ANKRD30B: variants seen among roughly 807,000 people sequenced by gnomAD.
ANKRD30B encodes the protein ankyrin repeat domain-containing protein 30B.
ANKRD30B carries 144 observed loss-of-function variants against 202.2 expected under a neutral mutation model. The observed-to-expected ratio is 0.71, with a 90% confidence interval of 0.62 to 0.82. The LOEUF (loss-of-function observed/expected upper bound fraction) is 0.82. ANKRD30B is among the 40% of genes least tolerant of loss of function. ANKRD30B has a pLI of 0.00. For missense variants in ANKRD30B, 1,487 were observed against 1,669.1 expected, an observed-to-expected ratio of 0.89 and a Z score of 1.90; for synonymous variants, 508 against 561.3, an observed-to-expected ratio of 0.91 and a Z score of 1.34.
rs1253775382 is a variant in ANKRD30B, at chr18:14,756,104, T to C, written c.617+1099T>C. On this transcript the variant is annotated intron_variant, in intron 4 of 43. Coordinates refer to ENST00000690538, the MANE Select transcript of ANKRD30B (RefSeq NM_001367607.2). ...TTTTAATGATCGCCATTCTAACTAGTGTGAGATGGTATCTCATTGTGGTTT... is the reference window on the plus strand; with the variant it reads ...TTTTAATGATCGCCATTCTAACTAGCGTGAGATGGTATCTCATTGTGGTTT... 2.0e-5 allele frequency among the ~76,000 whole-genome samples: 3 copies of C among 152,202 alleles called. 1 individual carries two copies. The highest frequency in any genetic ancestry group is 1.5e-5 in the Non-Finnish European group (1 of 68,036).
At chr18:14,878,948 C>T in the ANKRD30B span, among the ~76,000 whole-genome samples, 1 of 152,192 alleles carries the variant, frequency 6.6e-6, no homozygotes, top group Non-Finnish European at 1.5e-5. Flanking sequence ...GAGCTGAGTT[C>T]TCCTCTGCAC....
the ANKRD30B span, among the ~76,000 whole-genome samples, chr18:14,897,306 C>T: frequency 6.6e-6 from 1 of 152,074 alleles, no homozygotes; most frequent in Admixed American, 6.5e-5. Flanking sequence ...TCAGCCTCCC[C>T]TGTAGCTGCA....
chr18:14,761,952 C>T (rs1255439694), intron 6 of ANKRD30B, among the ~76,000 whole-genome samples: 1 of 152,196 alleles, frequency 6.6e-6, no homozygotes, highest in Non-Finnish European at 1.5e-5. Context: ...TAATATTCCA[C>T]TGTTGACCTG....
At position 14,843,814 on chromosome 18, in the gene ANKRD30B, AAAT is replaced by A. The variant is rs71305886; in HGVS notation, c.3181+733_3181+735del. ...GTCTCAAAAACAAACAAACAAACAG[AAAT>A]AATAATAATAATAAATGGGAGAAGT... On this transcript the variant is annotated intron_variant, in intron 39 of 43. Transcript: ENST00000690538. Among the ~76,000 whole-genome samples, 3 of 152,180 alleles carry A rather than the reference AAAT, an allele frequency of 2.0e-5. No homozygotes were observed. The East Asian group carries it at 5.8e-4, about 29-fold the overall frequency.
At chr18:14,910,611 A>G in the ANKRD30B span, among the ~76,000 whole-genome samples, 23 of 151,860 alleles carry the variant, frequency 1.5e-4, no homozygotes, top group East Asian at 3.7e-3. Context: ...TTTTTTTGAT[A>G]TAATAAATTA....
At chr18:14,809,602 T>C (rs1237064321) in intron 26 of ANKRD30B, among the ~76,000 whole-genome samples, 2 of 150,862 alleles carry the variant, frequency 1.3e-5, no homozygotes, top group South Asian at 2.1e-4. Flanking sequence ...TATGAACATA[T>C]GCCTTTCTGG....
the ANKRD30B span, among the ~76,000 whole-genome samples, chr18:14,889,649 G>A: frequency 2.7e-5 from 4 of 150,118 alleles, no homozygotes; most frequent in East Asian, 7.8e-4. Context: ...GTGCAAATTG[G>A]GTGAACTTTA....
the ANKRD30B span, among the ~76,000 whole-genome samples, chr18:14,927,261 C>T: frequency 6.6e-6 from 1 of 152,068 alleles, no homozygotes; most frequent in Non-Finnish European, 1.5e-5. Flanking sequence ...AAAAAATACC[C>T]ACTAATTCCA....
chr18:14,821,745 A>C (rs1475201470), intron 30 of ANKRD30B, among the ~76,000 whole-genome samples: 1 of 152,216 alleles, frequency 6.6e-6, no homozygotes, highest in South Asian at 2.1e-4. Flanking sequence ...GGCATGAGCC[A>C]TGGCACCTGG....
Position 14,838,431 on chromosome 18 carries a change from A to T in ANKRD30B, c.2988+755A>T, listed in dbSNP as rs1442879434. Among the ~76,000 whole-genome samples the T allele has an allele frequency of 6.6e-5, 10 of 152,252 alleles. No homozygotes were observed. In the East Asian group the frequency reaches 7.7e-4, roughly 12 times the overall value. ...CAGTATAGATCTGAAGGAACATTTCAGGAGTTGGATAAACATGAGAAATAG... is the reference window on the plus strand; with the variant it reads ...CAGTATAGATCTGAAGGAACATTTCTGGAGTTGGATAAACATGAGAAATAG... On this transcript the variant is annotated intron_variant, in intron 36 of 43. Coordinates refer to ENST00000690538, the MANE Select transcript of ANKRD30B (RefSeq NM_001367607.2).
chr18:14,777,470 G>T (rs1478940342), intron 9 of ANKRD30B, among the ~76,000 whole-genome samples: 11 of 151,418 alleles, frequency 7.3e-5, no homozygotes, highest in South Asian at 2.1e-4. Flanking sequence ...GCTAATTTTT[G>T]TATTTTTAGT....
intron 22 of ANKRD30B, 116 bp downstream of exon 22, chr18:14,799,411 G>T (rs551689796): frequency 5.6e-6 from 6 of 1,068,050 alleles, no homozygotes; most frequent in South Asian, 3.9e-5. Flanking sequence ...GGGAAAATTT[G>T]ATAAAATAAT....
chr18:14,868,078 T>C, the ANKRD30B span, among the ~76,000 whole-genome samples: 2 of 152,326 alleles, frequency 1.3e-5, no homozygotes, highest in South Asian at 2.1e-4. Context: ...GGAGGGTACC[T>C]GTGGAGGCCA....
intron 7 of ANKRD30B, among the ~76,000 whole-genome samples, chr18:14,766,208 G>T (rs1306196668): frequency 6.6e-6 from 1 of 151,668 alleles, no homozygotes; most frequent in Non-Finnish European, 1.5e-5. Context: ...GGCTGGGCAT[G>T]GTGCCTGTAA....
At chr18:14,829,573 A>G (rs1434504560) in intron 33 of ANKRD30B, among the ~76,000 whole-genome samples, 1 of 152,214 alleles carries the variant, frequency 6.6e-6, no homozygotes. Flanking sequence ...AGAGATCAGA[A>G]TATTGGATCT....
At chr18:14,841,712 T>G (rs56669487) in intron 37 of ANKRD30B, among the ~76,000 whole-genome samples, 158 of 152,230 alleles carry the variant, frequency 1.0e-3, no homozygotes, top group African/African-American at 3.7e-3. Flanking sequence ...AGAAAGAAGA[T>G]AGCCAGCCAA....
intron 30 of ANKRD30B, chr18:14,816,871 C>T (rs1234573685): frequency 6.6e-6 from 1 of 152,098 alleles, no homozygotes; most frequent in African/African-American, 2.4e-5. Context: ...GACAAAAAAC[C>T]AAACACTGCG....
rs202133704 is a variant in ANKRD30B at position 14,796,419 on chromosome 18, A to C, written c.1927+4A>C. On this transcript the variant is annotated splice_donor_region_variant and intron_variant, in intron 18 of 43. Transcript: ENST00000690538. ...GACAGAGAAACATTCAAAGCAGGTA[A>C]ATTTTGTAATTTAACTTTTAATCTG... The C allele has an allele frequency of 7.7e-4, 1,190 of 1,542,210 alleles. 12 individuals are homozygous for C. The Middle Eastern group carries it at 0.013, about 17-fold the overall frequency.
At chr18:14,896,173 C>A in the ANKRD30B span, among the ~76,000 whole-genome samples, 1 of 151,736 alleles carries the variant, frequency 6.6e-6, no homozygotes, top group African/African-American at 2.4e-5. Context: ...ACTCTGTCGC[C>A]CAGGCTGGAG....
Sources: allele counts gnomAD v4.1 joint callset (sites outside exome capture counted in the v4.1 genomes callset), GRCh38; gene constraint gnomAD v4.1.1; transcripts MANE v1.5; gene names NCBI Gene and HGNC (gene_info 2026-07-23, HGNC 2026-07-21).